The following POMT2 variants were observed in gnomAD, a reference collection of about 807,000 sequenced individuals.
The protein encoded by POMT2 is protein O-mannosyltransferase 2.
A neutral mutation model predicts 100.0 loss-of-function variants in POMT2; 75 were observed. That is an observed-to-expected ratio of 0.75 (90% confidence interval 0.62 to 0.91). The LOEUF is 0.91. Ranked by LOEUF, POMT2 falls within the 40% of genes least tolerant of loss-of-function variation. The pLI, the probability that POMT2 is intolerant of heterozygous loss-of-function variation, is 0.00. For synonymous variants in POMT2, 378 were observed against 374.1 expected (o/e 1.01, Z -0.12); for missense variants, 940 against 955.1 (o/e 0.98, Z 0.21).
At chr14:77,307,413 G>A (rs1891262933) in intron 2 of POMT2, among the ~76,000 whole-genome samples, 1 of 152,238 alleles carries the variant, frequency 6.6e-6, no homozygotes, top group African/African-American at 2.4e-5. Context: ...TCAAGGTATA[G>A]AAGCCAAAGT....
At chr14:77,291,293 A>C (rs539570177) in intron 10 of POMT2, 21 bp downstream of exon 10, 1 of 1,605,736 alleles carries the variant, frequency 6.2e-7, no homozygotes, top group South Asian at 1.1e-5. Context: ...CACAAGAAGC[A>C]TCAGTCTCTG....
At chr14:77,295,045 A>G (rs960354125) in intron 9 of POMT2, among the ~76,000 whole-genome samples, 1 of 152,170 alleles carries the variant, frequency 6.6e-6, no homozygotes, top group African/African-American at 2.4e-5. Flanking sequence ...TCTAATCATA[A>G]TCATAATAAT....
At chr14:77,313,556 T>A (rs901582284) in intron 1 of POMT2, among the ~76,000 whole-genome samples, 10 of 152,234 alleles carry the variant, frequency 6.6e-5, no homozygotes, top group African/African-American at 1.7e-4. Context: ...TCAACTCAGA[T>A]AACACATGTG....
chr14:77,309,230 T>G (rs1340374754), intron 2 of POMT2, among the ~76,000 whole-genome samples: 1 of 152,238 alleles, frequency 6.6e-6, no homozygotes, highest in African/African-American at 2.4e-5. Flanking sequence ...TGACCGTGGT[T>G]ACCTCTGCGG....
intron 10 of POMT2, among the ~76,000 whole-genome samples, chr14:77,289,100 A>G (rs1043477491): frequency 2.6e-5 from 4 of 151,746 alleles, no homozygotes; most frequent in Non-Finnish European, 5.9e-5. Flanking sequence ...GTGAAAGAAG[A>G]AAACTTCTGG....
intron 1 of POMT2, among the ~76,000 whole-genome samples, chr14:77,314,818 T>C (rs931710340): frequency 3.9e-5 from 6 of 152,236 alleles, no homozygotes; most frequent in African/African-American, 9.6e-5. Context: ...GACCCTGCTA[T>C]ATAAGATAGA....
At chr14:77,301,028 A>G in intron 6 of POMT2, 62 bp downstream of exon 6, 1 of 1,611,684 alleles carries the variant, frequency 6.2e-7, no homozygotes, top group Non-Finnish European at 8.5e-7. Context: ...GAAGGCCACC[A>G]GCTCCTACTC....
At position 77,284,276 on chromosome 14, in the gene POMT2, G is replaced by A. The variant is rs57000181; in HGVS notation, c.1577-403C>T. ...CTGGACGCCTGGAGCAGCTGCTGTC[G>A]GGATGGGGACCAAGTCTGTCTCCTC... On this transcript the variant is annotated intron_variant, in intron 14 of 20. Coordinates refer to ENST00000261534, the MANE Select transcript of POMT2 (RefSeq NM_013382.7). 9.1e-5 allele frequency: 28 copies of A among 306,878 alleles called. No individual in the cohort carries two copies. In the East Asian group the frequency reaches 9.6e-4, roughly 11 times the overall value. 19.0% of individuals were successfully genotyped at this position (306,878 alleles called of 1,614,324 possible). A position where few individuals can be genotyped will look rare whatever the true frequency, so the allele number is the denominator to read the frequency against.
intron 2 of POMT2, among the ~76,000 whole-genome samples, chr14:77,307,959 T>A (rs895751153): frequency 6.9e-6 from 1 of 145,308 alleles, no homozygotes. Context: ...GCCTCCCAGG[T>A]TCAAGCAATT....
intron 11 of POMT2, 156 bp from the exon 12 acceptor site, chr14:77,286,978 C>A: frequency 7.0e-7 from 1 of 1,438,378 alleles, no homozygotes. Flanking sequence ...TTCCTATTTA[C>A]TCACAAGAAA....
At chr14:77,311,097 C>T (rs890891436) in intron 2 of POMT2, among the ~76,000 whole-genome samples, 2 of 152,348 alleles carry the variant, frequency 1.3e-5, no homozygotes, top group Middle Eastern at 3.4e-3. Context: ...TGTACCATTG[C>T]AGTCCAGCCT....
chr14:77,319,182 T>A (rs1891739246), intron 1 of POMT2, among the ~76,000 whole-genome samples: 1 of 152,184 alleles, frequency 6.6e-6, no homozygotes, highest in African/African-American at 2.4e-5. Flanking sequence ...AGCCCAGATG[T>A]CTGAAATAAG....
At chr14:77,320,403 T>A (rs1424597032) in intron 1 of POMT2, 31 bp downstream of exon 1, 3 of 1,544,458 alleles carry the variant, frequency 1.9e-6, no homozygotes, top group Non-Finnish European at 2.6e-6. Context: ...GCGGTTGCCA[T>A]GGTGCCCGCC....
At position 77,320,853 on chromosome 14, in the gene POMT2, G is replaced by A. The variant is rs897215490; in HGVS notation, c.-172C>T. The A allele has an allele frequency of 2.3e-6, 3 of 1,305,352 alleles. No homozygotes were observed. In the Admixed American group the frequency reaches 1.2e-4, roughly 51 times the overall value. The allele number at this position is 1,305,352 out of a possible 1,614,324, so 80.9% of individuals were successfully genotyped here. ...GGGCGGGGCGGGCAGCGTGGTCGCG[G>A]CCCGGGCCGCTAGGAGGCGGCAGGA... On this transcript the variant is annotated 5_prime_UTR_variant, in exon 1 of 21. Coordinates refer to ENST00000261534, the MANE Select transcript of POMT2 (RefSeq NM_013382.7).
Position 77,313,892 on chromosome 14 carries a change from G to C in POMT2, c.249-1859C>G, listed in dbSNP as rs137981605. ...CTGGCTAATTTTTGTATTTTTAGTA[G>C]AGATGGGGTTTCACCATGTTGGCCA... On this transcript the variant is annotated intron_variant, in intron 1 of 20. Coordinates refer to ENST00000261534, the MANE Select transcript of POMT2 (RefSeq NM_013382.7). 1.8e-3 allele frequency among the ~76,000 whole-genome samples: 281 copies of C among 152,240 alleles called. 1 individual carries two copies. The highest frequency in any genetic ancestry group is 6.4e-3 in the African/African-American group (266 of 41,536).
intron 1 of POMT2, among the ~76,000 whole-genome samples, chr14:77,318,394 G>A (rs770391733): frequency 6.6e-5 from 10 of 152,168 alleles, no homozygotes; most frequent in Non-Finnish European, 2.9e-5. Flanking sequence ...ATTCCCACGT[G>A]CCTGATGACA....
intron 2 of POMT2, among the ~76,000 whole-genome samples, chr14:77,308,952 G>T (rs931766801): frequency 4.6e-5 from 7 of 151,972 alleles, no homozygotes; most frequent in Non-Finnish European, 8.8e-5. Context: ...AACTGAAGAG[G>T]GATAAATACT....
At position 77,276,104 on chromosome 14, in the gene POMT2, C is replaced by G. The variant is rs1889936939; in HGVS notation, c.*1272G>C. The G allele has an allele frequency of 6.6e-6, 1 of 152,528 alleles. No homozygotes were observed. The highest frequency in any genetic ancestry group is 2.4e-5 in the African/African-American group (1 of 41,446). 9.4% of individuals were successfully genotyped at this position (152,528 alleles called of 1,614,324 possible). ...GAGACAAAAGAAATATTTTGTCATGCACCAGGAAGGTGGAGGCAGGCTTAA... is the reference window on the plus strand; with the variant it reads ...GAGACAAAAGAAATATTTTGTCATGGACCAGGAAGGTGGAGGCAGGCTTAA... On this transcript the variant is annotated 3_prime_UTR_variant, in exon 21 of 21. Coordinates refer to ENST00000261534, the MANE Select transcript of POMT2 (RefSeq NM_013382.7).
chr14:77,314,623 G>T (rs1891563911), intron 1 of POMT2, among the ~76,000 whole-genome samples: 1 of 152,178 alleles, frequency 6.6e-6, no homozygotes, highest in African/African-American at 2.4e-5. Flanking sequence ...CACTATTAGA[G>T]AGGCTGATGG....
Sources: allele counts gnomAD v4.1 joint callset (sites outside exome capture counted in the v4.1 genomes callset), GRCh38; gene constraint gnomAD v4.1.1; transcripts MANE v1.5; gene names NCBI Gene and HGNC (gene_info 2026-07-23, HGNC 2026-07-21).